CEP350: variants seen among roughly 807,000 people sequenced by gnomAD.
CEP350 encodes centrosome-associated protein 350.
A neutral mutation model predicts 331.8 loss-of-function variants in CEP350; 126 were observed. That is an observed-to-expected ratio of 0.38 (90% CI 0.33 to 0.44). The LOEUF (loss-of-function observed/expected upper bound fraction) is 0.44, where lower values mean the gene tolerates loss of function less well. Ranked by LOEUF, CEP350 falls within the 20% of genes least tolerant of loss-of-function variation. CEP350 has a pLI of 1.00. For synonymous variants in CEP350, 1,200 were observed against 1,259.5 expected (o/e 0.95, Z 1.00); for missense variants, 3,406 against 3,634.6 (o/e 0.94, Z 1.62).
intron 1 of CEP350, chr1:179,968,895 C>G: frequency 1.3e-6 from 1 of 754,178 alleles, no homozygotes; most frequent in African/African-American, 1.7e-5. Context: ...GAAATACTGG[C>G]CAGAAGGCTG....
Position 180,090,558 on chromosome 1 carries a change from A to AAAAAAAAAAAAAGG in CEP350, c.6426-143_6426-142insGAAAAAAAAAAAAG, listed in dbSNP as rs1660127791. The stretch of plus-strand genomic sequence containing the variant: ...GAGACTCCGTCTCAAAAAAAAAAAA[A>AAAAAAAAAAAAAGG]AAAAAAAAAAAAGAAATAGGCTTGA... On this transcript the variant is annotated intron_variant, in intron 32 of 37. Transcript: ENST00000367607. Among the ~76,000 whole-genome samples, 3 of 65,366 alleles carry AAAAAAAAAAAAAGG rather than the reference A, an allele frequency of 4.6e-5. No homozygotes were observed. In the East Asian group the frequency reaches 1.8e-3, roughly 39 times the overall value. The allele number at this position is 65,366 out of a possible 152,430, so 42.9% of individuals were successfully genotyped here. A position where few individuals can be genotyped will look rare whatever the true frequency, so the allele number is the denominator to read the frequency against.
At chr1:180,042,132 T>TCTCTCACACACACA (rs1553258521) in intron 19 of CEP350, among the ~76,000 whole-genome samples, 64 of 146,868 alleles carry the variant, frequency 4.4e-4, no homozygotes, top group African/African-American at 1.6e-3. Flanking sequence ...GAGTTTTCTC[T>TCTCTCACACACACA]CACACACACA....
At chr1:179,961,394 G>A (rs972568370) in intron 1 of CEP350, among the ~76,000 whole-genome samples, 1 of 152,124 alleles carries the variant, frequency 6.6e-6, no homozygotes, top group African/African-American at 2.4e-5. Flanking sequence ...GTTGCAGTGA[G>A]CCGAGATCGC....
intron 37 of CEP350, among the ~76,000 whole-genome samples, chr1:180,101,118 G>A (rs1428268052): frequency 1.3e-5 from 2 of 152,084 alleles, no homozygotes; most frequent in African/African-American, 4.8e-5. Flanking sequence ...TTATAGCTTG[G>A]GTGAGGGGAG....
rs1571877618 is a variant in CEP350 at position 180,020,487 on chromosome 1, A to G, written c.2713A>G (p.Thr905Ala). 1 of 1,614,000 alleles carries G rather than the reference A, an allele frequency of 6.2e-7. No individual in the cohort carries two copies. The highest frequency in any genetic ancestry group is 8.5e-7 in the Non-Finnish European group (1 of 1,179,896). ...GCTGGGAAGCTGTGTATCTCATGCA[A>G]CTTTTGATGATGATCTTCCTGGTGT... ...KMLGSCVSHA[T>A]FDDDLPGVGN... The change falls in exon 12 of 38, where the codon ACT becomes GCT. Residue 905 changes from threonine (T) to alanine (A), a missense_variant. Physicochemically the swap from Thr to Ala is moderately conservative, Grantham distance 58 (BLOSUM62 0). This residue lies in a region of CEP350 where 1,857 missense variants were observed against 1,909.2 expected (regional missense o/e 0.97). Coordinates refer to ENST00000367607, the MANE Select transcript of CEP350 (RefSeq NM_014810.5).
intron 1 of CEP350, among the ~76,000 whole-genome samples, chr1:179,977,890 T>G (rs1297093375): frequency 3.3e-5 from 5 of 151,650 alleles, no homozygotes; most frequent in East Asian, 3.9e-4. Flanking sequence ...TTCTGTAAGC[T>G]TTTGTTCAAT....
chr1:180,111,104 T>C lies in CEP350; in HGVS notation c.9297T>C (p.Asp3099=). Residue 3099 remains aspartate, a synonymous_variant, in exon 38 of 38, where the codon GAT becomes GAC. Transcript: ENST00000367607. ...GGATCTTTGAGACCCTGATCAAAGA[T>C]ACTATTGATGTTCTGAATCAGATCA... is the stretch of plus-strand genomic sequence containing the variant. ...ADGIFETLIK[D]TIDVLNQISE... is the part of the protein sequence containing the mutation. 6.2e-7 allele frequency: 1 copy of C among 1,614,010 alleles called. No homozygotes were observed. The highest frequency in any genetic ancestry group is 8.5e-7 in the Non-Finnish European group (1 of 1,179,882).
intron 1 of CEP350, among the ~76,000 whole-genome samples, chr1:179,983,090 A>G (rs1350560388): frequency 1.3e-5 from 2 of 151,890 alleles, no homozygotes; most frequent in Non-Finnish European, 2.9e-5. Flanking sequence ...CGCCCAGCCA[A>G]AATGAGTTAA....
At chr1:180,057,844 T>A (rs1376206888) in intron 25 of CEP350, among the ~76,000 whole-genome samples, 1 of 152,192 alleles carries the variant, frequency 6.6e-6, no homozygotes, top group East Asian at 1.9e-4. Flanking sequence ...CAGATAATAC[T>A]TTTTACTCAG....
Position 180,005,856 on chromosome 1 carries a change from C to T in CEP350, c.1133-598C>T, listed in dbSNP as rs556606903. Reference sequence around the variant, plus strand: ...TTACTTATACTTATTTCCACTCTACCCAGAATGCAGAACTCTACACATATT... The same window carrying T: ...TTACTTATACTTATTTCCACTCTACTCAGAATGCAGAACTCTACACATATT... On this transcript the variant is annotated intron_variant, in intron 7 of 37. Transcript: ENST00000367607. Among the ~76,000 whole-genome samples, 8 of 152,216 alleles carry T rather than the reference C, an allele frequency of 5.3e-5. No homozygotes were observed. In the East Asian group the frequency reaches 1.5e-3, roughly 29 times the overall value.
At chr1:179,972,469 T>C (rs1310325626) in intron 1 of CEP350, among the ~76,000 whole-genome samples, 2 of 151,998 alleles carry the variant, frequency 1.3e-5, no homozygotes, top group African/African-American at 4.8e-5. Flanking sequence ...GTATGGAGTG[T>C]AGTGTATAGA....
chr1:179,980,489 A>C (rs1286628538), intron 1 of CEP350, among the ~76,000 whole-genome samples: 1 of 152,004 alleles, frequency 6.6e-6, no homozygotes, highest in Non-Finnish European at 1.5e-5. Context: ...GTCTGAAAAC[A>C]GGGACTATTT....
At chr1:179,980,287 C>CT (rs978003259) in intron 1 of CEP350, among the ~76,000 whole-genome samples, 112 of 143,786 alleles carry the variant, frequency 7.8e-4, no homozygotes, top group African/African-American at 2.7e-3. Context: ...TTTTTTTTTT[C>CT]TTTTTTTTTG....
At chr1:180,006,975 T>C (rs1024464966) in intron 8 of CEP350, among the ~76,000 whole-genome samples, 1 of 152,224 alleles carries the variant, frequency 6.6e-6, no homozygotes, top group African/African-American at 2.4e-5. Flanking sequence ...TTCCATGCTA[T>C]GTATGTGTCA....
At chr1:180,070,525 A>C (rs1199249114) in intron 27 of CEP350, among the ~76,000 whole-genome samples, 1 of 152,164 alleles carries the variant, frequency 6.6e-6, no homozygotes, top group African/African-American at 2.4e-5. Context: ...GGGAAGCCAT[A>C]AAATAAAGTC....
intron 26 of CEP350, among the ~76,000 whole-genome samples, chr1:180,062,924 GTT>G (rs1658314346): frequency 6.6e-6 from 1 of 152,140 alleles, no homozygotes; most frequent in Non-Finnish European, 1.5e-5. Flanking sequence ...TATAGTGAGA[GTT>G]TTATTTTTTT....
chr1:180,035,357 A>G (rs1454300071), intron 16 of CEP350, among the ~76,000 whole-genome samples: 6 of 152,244 alleles, frequency 3.9e-5, no homozygotes, highest in Non-Finnish European at 7.3e-5. Context: ...CAGATTTCCA[A>G]CGTAGATGAA....
intron 33 of CEP350, 79 bp from the exon 34 acceptor site, chr1:180,092,534 CT>C (rs1660259240): frequency 6.9e-6 from 8 of 1,154,658 alleles, no homozygotes; most frequent in Non-Finnish European, 9.4e-6. Flanking sequence ...TAAAATTTGG[CT>C]TTTCTCTAAA....
chr1:179,973,351 G>C (rs1651600216), intron 1 of CEP350, among the ~76,000 whole-genome samples: 1 of 152,184 alleles, frequency 6.6e-6, no homozygotes, highest in African/African-American at 2.4e-5. Flanking sequence ...CTTTGCATGG[G>C]TAGCTGAGAG....
Sources: allele counts gnomAD v4.1 joint callset (sites outside exome capture counted in the v4.1 genomes callset), GRCh38; gene constraint gnomAD v4.1.1; regional missense constraint gnomAD v4.1.1; transcripts MANE v1.5; gene names NCBI Gene and HGNC (gene_info 2026-07-23, HGNC 2026-07-21).